RBFOX3: variants seen among roughly 807,000 people sequenced by gnomAD.
RBFOX3 encodes the protein RNA binding protein fox-1 homolog 3.
RBFOX3 carries 17 observed loss-of-function variants against 48.7 expected under a neutral mutation model. The ratio of observed to expected loss-of-function variants is 0.35; its 90% CI spans 0.24 to 0.52. The LOEUF (loss-of-function observed/expected upper bound fraction) is 0.52. Ranked by LOEUF, RBFOX3 falls within the 20% of genes least tolerant of loss-of-function variation. The probability of loss-of-function intolerance (pLI) is 0.94; values close to 1 mark genes in which losing one functional copy is unlikely to be tolerated. For synonymous variants in RBFOX3, 212 were observed against 209.5 expected, an observed-to-expected ratio of 1.01 and a Z score of -0.10; for missense variants, 382 against 497.5, an observed-to-expected ratio of 0.77 and a Z score of 2.21.
chr17:79,618,922 T>C, the RBFOX3 span, among the ~76,000 whole-genome samples: 30 of 151,878 alleles, frequency 2.0e-4, no homozygotes, highest in African/African-American at 7.0e-4. Flanking sequence ...AGCCGGGAAA[T>C]GGAACTGGGA....
intron 3 of RBFOX3, among the ~76,000 whole-genome samples, chr17:79,261,395 A>T (rs60133584): frequency 0.025 from 3,860 of 152,114 alleles, 169 homozygotes; most frequent in African/African-American, 0.088. Flanking sequence ...CTCTCCCAAG[A>T]CCCAAGACCT....
chr17:79,124,901 T>C (rs151093307), intron 4 of RBFOX3, among the ~76,000 whole-genome samples: 1 of 150,524 alleles, frequency 6.6e-6, no homozygotes, highest in Admixed American at 6.7e-5. Context: ...TCCTGGACCA[T>C]GGTGGACTGA....
At chr17:79,110,894 G>T (rs1242539436) in intron 5 of RBFOX3, among the ~76,000 whole-genome samples, 1 of 152,232 alleles carries the variant, frequency 6.6e-6, no homozygotes, top group Non-Finnish European at 1.5e-5. Context: ...CGTTGCTTTG[G>T]GGACCAGCGC....
intron 3 of RBFOX3, among the ~76,000 whole-genome samples, chr17:79,239,934 G>A (rs2062123784): frequency 6.6e-6 from 1 of 152,222 alleles, no homozygotes; most frequent in Non-Finnish European, 1.5e-5. Context: ...TTATCCACCT[G>A]GAGAGGCCTT....
intron 6 of RBFOX3, among the ~76,000 whole-genome samples, chr17:79,104,616 T>A (rs1413714736): frequency 6.6e-6 from 1 of 152,122 alleles, no homozygotes; most frequent in East Asian, 1.9e-4. Context: ...AAAGGTCTGC[T>A]TTGAGACCCT....
intron 4 of RBFOX3, among the ~76,000 whole-genome samples, chr17:79,143,198 T>C (rs2042257699): frequency 1.3e-5 from 2 of 152,168 alleles, no homozygotes; most frequent in South Asian, 4.1e-4. Flanking sequence ...CATCTGACCG[T>C]GGCGACTAGC....
chr17:79,615,159 C>T (rs1011898158), upstream of RBFOX3, among the ~76,000 whole-genome samples: 1 of 152,130 alleles, frequency 6.6e-6, no homozygotes, highest in African/African-American at 2.4e-5. Context: ...GGGCAGCTAA[C>T]CAATCACAAA....
chr17:79,244,666 A>G (rs4789968), intron 3 of RBFOX3, among the ~76,000 whole-genome samples: 127,213 of 151,660 alleles, frequency 0.84, 54,358 homozygotes, highest in Non-Finnish European at 0.92. Flanking sequence ...TCCTGACCAC[A>G]CAAACACTGT....
rs552683760 is a variant in RBFOX3 at position 79,110,074 on chromosome 17, G to A, written c.223-3286C>T. Among the ~76,000 whole-genome samples, 15 of 151,632 alleles carry A rather than the reference G, an allele frequency of 9.9e-5. No individual in the cohort carries two copies. The South Asian group carries it at 2.1e-3, about 21-fold the overall frequency. On this transcript the variant is annotated intron_variant, in intron 5 of 14. Coordinates refer to ENST00000693108, the MANE Select transcript of RBFOX3 (RefSeq NM_001350451.2). ...GGGGCCTTCCCACACTGACTGTAGC[G>A]GTCCAGCAGCCTCCACCGCCTTTCC...
chr17:79,364,438 A>G lies in RBFOX3; in HGVS notation c.-174-56614T>C, dbSNP rs1158858114. 6.6e-6 allele frequency among the ~76,000 whole-genome samples: 1 copy of G among 152,244 alleles called. No individual in the cohort carries two copies. The highest frequency in any genetic ancestry group is 1.5e-5 in the Non-Finnish European group (1 of 68,044). On this transcript the variant is annotated intron_variant, in intron 2 of 14. Transcript: ENST00000693108. This position sits in a 1 kb window ranked among gnomAD's most constrained non-coding sequence, Gnocchi z 5.1. ...CAGGTGGACTCTGAACTCTGCGAGG[A>G]AAGAGATGCTCTCTGCAGCTGGGGA...
chr17:79,385,519 A>G (rs1418378953), intron 2 of RBFOX3, among the ~76,000 whole-genome samples: 2 of 152,076 alleles, frequency 1.3e-5, no homozygotes, highest in African/African-American at 4.8e-5. Context: ...GGCCACAGTG[A>G]TCAGAGCTGC....
intron 4 of RBFOX3, among the ~76,000 whole-genome samples, chr17:79,140,217 G>A (rs2041639385): frequency 6.6e-6 from 1 of 152,258 alleles, no homozygotes; most frequent in Admixed American, 6.5e-5. Flanking sequence ...GTACAGGTGA[G>A]GAAACTGAGG....
chr17:79,354,916 C>A (rs2084675220), intron 2 of RBFOX3, among the ~76,000 whole-genome samples: 2 of 152,216 alleles, frequency 1.3e-5, no homozygotes, highest in South Asian at 4.1e-4. Flanking sequence ...ATAATTAGCT[C>A]CCTTAATAGA....
At chr17:79,547,411 C>A (rs570880189) in intron 1 of RBFOX3, among the ~76,000 whole-genome samples, 2 of 152,306 alleles carry the variant, frequency 1.3e-5, no homozygotes, top group South Asian at 4.1e-4. Context: ...GCCAAGATTG[C>A]ACCACAGCAC....
chr17:79,512,555 G>T (rs1370805896), intron 1 of RBFOX3, among the ~76,000 whole-genome samples: 3 of 147,818 alleles, frequency 2.0e-5, no homozygotes, highest in African/African-American at 7.7e-5. Flanking sequence ...CAGCCCCATG[G>T]CCAGGGGACA....
At chr17:79,562,212 C>T (rs1015078442) in intron 1 of RBFOX3, among the ~76,000 whole-genome samples, 1 of 152,162 alleles carries the variant, frequency 6.6e-6, no homozygotes. Flanking sequence ...AATAGCATGC[C>T]GGCTGAGACT....
intron 4 of RBFOX3, among the ~76,000 whole-genome samples, chr17:79,137,485 G>A (rs909749991): frequency 6.6e-6 from 1 of 152,000 alleles, no homozygotes; most frequent in South Asian, 2.1e-4. Context: ...ACACACACGC[G>A]CCTGCAGTGA....
intron 4 of RBFOX3, among the ~76,000 whole-genome samples, chr17:79,203,181 G>A (rs1201155589): frequency 1.3e-5 from 2 of 151,000 alleles, no homozygotes; most frequent in Non-Finnish European, 2.9e-5. Context: ...GGACCACGCT[G>A]CTGGTGACAG....
intron 2 of RBFOX3, among the ~76,000 whole-genome samples, chr17:79,357,145 C>T (rs1217034236): frequency 6.6e-6 from 1 of 152,254 alleles, no homozygotes; most frequent in Non-Finnish European, 1.5e-5. Context: ...GGTGCTGTGG[C>T]TGCTGCTCTT....
Sources: gnomAD v4.1 joint callset for allele counts (sites outside exome capture counted in the v4.1 genomes callset) on GRCh38, gnomAD v4.1.1 for gene constraint, Gnocchi (gnomAD v3.1) non-coding constraint, MANE v1.5 for transcripts, NCBI Gene and HGNC (gene_info 2026-07-23, HGNC 2026-07-21) for gene names.